The following COPG1 variants were observed in gnomAD, a reference collection of about 807,000 sequenced individuals.
COPG1 encodes the protein coatomer subunit gamma-1.
A neutral mutation model predicts 102.8 loss-of-function variants in COPG1; 29 were observed. The ratio of observed to expected loss-of-function variants is 0.28; its 90% CI spans 0.21 to 0.38. The LOEUF is 0.38. COPG1 is among the 10% of genes least tolerant of loss of function. The pLI is 1.00. For missense variants in COPG1, 875 were observed against 1,132.7 expected (o/e 0.77, Z 3.27); for synonymous variants, 406 against 421.6 (o/e 0.96, Z 0.45).
rs771724288 is a variant in COPG1 at position 129,264,015 on chromosome 3, A to G, written c.1224+16A>G. 2 of 1,605,380 alleles carry G rather than the reference A, an allele frequency of 1.2e-6. No individual in the cohort carries two copies. The highest frequency in any genetic ancestry group is 1.7e-6 in the Non-Finnish European group (2 of 1,172,246). On this transcript the variant is annotated intron_variant, in intron 13 of 23. Transcript: ENST00000314797. ...GCGGGAAGAGGTAAGAGTCAGGGGC[A>G]TTCGGGGGATGCCAGGTCTCCTGGT...
intron 13 of COPG1, 37 bp downstream of exon 13, chr3:129,264,036 C>A: frequency 6.4e-7 from 1 of 1,552,792 alleles, no homozygotes; most frequent in Non-Finnish European, 8.9e-7. Flanking sequence ...GCCAGGTCTC[C>A]TGGTGCAGGG....
chr3:129,274,020 G>A (rs116340462), intron 21 of COPG1: 6,938 of 455,994 alleles, frequency 0.015, 136 homozygotes, highest in Middle Eastern at 0.067. Flanking sequence ...TAGAGGGACA[G>A]TCACAGTGGA....
intron 4 of COPG1, 80 bp downstream of exon 4, chr3:129,252,774 C>G: frequency 6.5e-7 from 1 of 1,540,958 alleles, no homozygotes; most frequent in Non-Finnish European, 9.0e-7. Context: ...GCTGGCCCCA[C>G]CAGTCAGTGT....
In COPG1 at chr3:129,267,931, C is replaced by CT; in HGVS notation, c.1545-5dup. On this transcript the variant is annotated splice_polypyrimidine_tract_variant and splice_region_variant and intron_variant, in intron 15 of 23. Transcript: ENST00000314797. ...CAGTCAGGACCACCTTGTGTCCTGG[C>CT]TGCAGGTGTGTGATGGATGATGACA... 6.2e-7 allele frequency: 1 copy of CT among 1,613,110 alleles called. No homozygotes were observed. Among genetic ancestry groups the CT allele is most frequent in the Non-Finnish European group, 8.5e-7 (1 of 1,179,244 alleles).
At chr3:129,258,051 G>T (rs1482239151) in intron 10 of COPG1, among the ~76,000 whole-genome samples, 191 bp downstream of exon 10, 1 of 152,238 alleles carries the variant, frequency 6.6e-6, no homozygotes, top group Non-Finnish European at 1.5e-5. Context: ...GCTGCTGTTA[G>T]TTCCATCTGA....
intron 13 of COPG1, 73 bp downstream of exon 13, chr3:129,264,072 T>C: frequency 7.9e-7 from 1 of 1,258,156 alleles, no homozygotes; most frequent in Non-Finnish European, 1.2e-6. Context: ...GGCTCCATGC[T>C]CAGCTTTGTG....
Position 129,252,734 on chromosome 3 carries a change from T to A in COPG1, c.243+40T>A, listed in dbSNP as rs1359368802. 1.9e-6 allele frequency: 3 copies of A among 1,590,932 alleles called. No individual in the cohort carries two copies. In the African/African-American group the frequency reaches 4.0e-5, roughly 21 times the overall value. On this transcript the variant is annotated intron_variant, in intron 4 of 23. Transcript: ENST00000314797. The stretch of plus-strand genomic sequence containing the variant: ...CCAGCTTTCCTTGAGAGGTGGCAGC[T>A]GTAACAAGGTGGTGGGAGGGCCAAA...
At chr3:129,257,972 TCTGTACCTAGG>T in intron 10 of COPG1, 112 bp downstream of exon 10, 3 of 1,370,408 alleles carry the variant, frequency 2.2e-6, no homozygotes, top group Non-Finnish European at 3.0e-6. Flanking sequence ...TGTTAAGGAG[TCTGTACCTAGG>T]AAGCACCTGC....
In COPG1 at chr3:129,268,913, G is replaced by T. The variant is rs950532933; in HGVS notation, c.1775-19G>T. The T allele has an allele frequency of 6.2e-7, 1 of 1,612,398 alleles. No homozygotes were observed. ...TGACTCCAGCTGTTGGTCATCACGT[G>T]TATAATTTGCTCCTGCAGAAAGTAC... On this transcript the variant is annotated intron_variant, in intron 17 of 23. Transcript: ENST00000314797.
In COPG1 at chr3:129,277,725, C is replaced by A; in HGVS notation, c.*301C>A. 3.4e-6 allele frequency: 1 copy of A among 296,474 alleles called. No homozygotes were observed. Among genetic ancestry groups the A allele is most frequent in the Non-Finnish European group, 6.6e-6 (1 of 151,382 alleles). The allele number at this position is 296,474 out of a possible 1,614,324, so 18.4% of individuals were successfully genotyped here. A position where few individuals can be genotyped will look rare whatever the true frequency, so the allele number is the denominator to read the frequency against. ...TTCTCAACTCCTCTTGAATCTATCC[C>A]CCAAGAAACCATCTTATCCCTGTAA... On this transcript the variant is annotated 3_prime_UTR_variant, in exon 24 of 24. Coordinates refer to ENST00000314797, the MANE Select transcript of COPG1 (RefSeq NM_016128.4).
chr3:129,277,570 C>A lies in COPG1; in HGVS notation c.*146C>A. 1.3e-6 allele frequency: 1 copy of A among 780,316 alleles called. No individual in the cohort carries two copies. Among genetic ancestry groups the A allele is most frequent in the Non-Finnish European group, 2.0e-6 (1 of 510,076 alleles). The allele number at this position is 780,316 out of a possible 1,614,324, so 48.3% of individuals were successfully genotyped here. ...TTGCAGATTTTTTTTTATTCTGCTC[C>A]CACCTCCCACCCGGGACTACTTGCT... On this transcript the variant is annotated 3_prime_UTR_variant, in exon 24 of 24. Coordinates refer to ENST00000314797, the MANE Select transcript of COPG1 (RefSeq NM_016128.4).
chr3:129,250,648 C>T (rs1333772417), intron 1 of COPG1, 34 bp from the exon 2 acceptor site: 7 of 1,596,274 alleles, frequency 4.4e-6, no homozygotes, highest in East Asian at 4.5e-5. Flanking sequence ...AGTTCAGAGT[C>T]ACAACCTACC....
At chr3:129,270,871 G>GTGGTCTT (rs1287093150) in intron 18 of COPG1, among the ~76,000 whole-genome samples, 5 of 152,164 alleles carry the variant, frequency 3.3e-5, no homozygotes, top group African/African-American at 9.7e-5. Context: ...TTAAATATCA[G>GTGGTCTT]TATATATTGG....
At chr3:129,252,809 G>T (rs1939727325) in intron 4 of COPG1, 67 bp from the exon 5 acceptor site, 5 of 1,563,854 alleles carry the variant, frequency 3.2e-6, no homozygotes, top group Non-Finnish European at 4.4e-6. Flanking sequence ...GAGACAGGAG[G>T]TATCTTCTCC....
rs1239756673 is a variant in COPG1, at chr3:129,249,668, G to T, written c.-42G>T. 1 of 1,549,986 alleles carries T rather than the reference G, an allele frequency of 6.5e-7. No individual in the cohort carries two copies. Among genetic ancestry groups the T allele is most frequent in the East Asian group, 2.4e-5 (1 of 40,918 alleles). Reference sequence around the variant, plus strand: ...GGCACCGCTACTCCGTGCCGCGCCCGTCGAGCATTGCGTTGCTGCATTGCG... The same window carrying T: ...GGCACCGCTACTCCGTGCCGCGCCCTTCGAGCATTGCGTTGCTGCATTGCG... On this transcript the variant is annotated 5_prime_UTR_variant, in exon 1 of 24. Coordinates refer to ENST00000314797, the MANE Select transcript of COPG1 (RefSeq NM_016128.4).
chr3:129,252,819 C>T (rs1939727589), intron 4 of COPG1, 57 bp from the exon 5 acceptor site: 2 of 1,585,668 alleles, frequency 1.3e-6, no homozygotes, highest in Admixed American at 3.4e-5. Flanking sequence ...GTATCTTCTC[C>T]CAACTCTGGC....
chr3:129,275,165 C>T lies in COPG1; in HGVS notation c.2396-29C>T, dbSNP rs1560068962. 1.2e-6 allele frequency: 2 copies of T among 1,600,764 alleles called. No homozygotes were observed. The highest frequency in any genetic ancestry group is 1.1e-5 in the South Asian group (1 of 90,794). ...GTGGCACAAAGGGCAGATAAGATGG[C>T]TTAACAATATTGGGATTTCTCATTA... On this transcript the variant is annotated intron_variant, in intron 22 of 23. Transcript: ENST00000314797. This position sits in a 1 kb window ranked among gnomAD's most constrained non-coding sequence, Gnocchi z 5.0.
rs910842274 is a variant in COPG1, at chr3:129,272,926, G to A, written c.2256+22G>A. On this transcript the variant is annotated intron_variant, in intron 21 of 23. Coordinates refer to ENST00000314797, the MANE Select transcript of COPG1 (RefSeq NM_016128.4). ...TGTGGTAAGATCCTGGTGTCAGGAA[G>A]CTCAGTTTTGTGCTGAGGCTGCAAA... 10 of 1,454,118 alleles carry A rather than the reference G, an allele frequency of 6.9e-6. No homozygotes were observed. The East Asian group carries it at 2.1e-4, about 30-fold the overall frequency. The allele number at this position is 1,454,118 out of a possible 1,614,324, so 90.1% of individuals were successfully genotyped here.
intron 12 of COPG1, among the ~76,000 whole-genome samples, chr3:129,262,443 C>T (rs967830071): frequency 6.6e-6 from 1 of 151,872 alleles, no homozygotes; most frequent in Non-Finnish European, 1.5e-5. Flanking sequence ...TTAGTAGAGA[C>T]GGTGTTTCAC....
Sources: allele counts gnomAD v4.1 joint callset (sites outside exome capture counted in the v4.1 genomes callset), GRCh38; gene constraint gnomAD v4.1.1; non-coding constraint Gnocchi (gnomAD v3.1); transcripts MANE v1.5; gene names NCBI Gene and HGNC (gene_info 2026-07-23, HGNC 2026-07-21).